Variants in LHPP observed in about 807,000 individuals in gnomAD.
LHPP encodes phospholysine phosphohistidine inorganic pyrophosphate phosphatase, also known as hLHPP.
LHPP carries 24 observed loss-of-function variants against 30.3 expected under a neutral mutation model. The observed-to-expected ratio is 0.79, with a 90% CI of 0.57 to 1.11. The LOEUF (loss-of-function observed/expected upper bound fraction) is 1.11, where lower values mean the gene tolerates loss of function less well. Among genes scored for constraint, LHPP ranks in the 50% most tolerant of loss-of-function variants. The probability of loss-of-function intolerance (pLI) is 0.00; values close to 1 mark genes in which losing one functional copy is unlikely to be tolerated. For synonymous variants in LHPP, 150 were observed against 157.1 expected (o/e 0.95, Z 0.34); for missense variants, 356 against 367.2 (o/e 0.97, Z 0.25).
chr10:124,537,971 G>A lies in LHPP; in HGVS notation c.716+20700G>A, dbSNP rs542886415. 4.6e-5 allele frequency among the ~76,000 whole-genome samples: 7 copies of A among 152,344 alleles called. No individual in the cohort carries two copies. The South Asian group carries it at 8.3e-4, about 18-fold the overall frequency. On this transcript the variant is annotated intron_variant, in intron 6 of 6. Coordinates refer to ENST00000368842, the MANE Select transcript of LHPP (RefSeq NM_022126.4). Reference sequence around the variant, plus strand: ...GAGACCTTCTTGGGGGTTCGGTGGTGTCCTTGACCCCACTCTGACTGAGCA... The same window carrying A: ...GAGACCTTCTTGGGGGTTCGGTGGTATCCTTGACCCCACTCTGACTGAGCA...
intron 1 of LHPP, among the ~76,000 whole-genome samples, chr10:124,462,500 C>T (rs1589743478): frequency 6.6e-6 from 1 of 151,988 alleles, no homozygotes; most frequent in South Asian, 2.1e-4. Context: ...GAGGCTGAGG[C>T]AGGAGGATCG....
intron 6 of LHPP, among the ~76,000 whole-genome samples, chr10:124,604,154 G>A (rs746426940): frequency 6.6e-6 from 1 of 152,206 alleles, no homozygotes; most frequent in Admixed American, 6.5e-5. Context: ...AGGTACATGG[G>A]TCTGGGCATG....
intron 5 of LHPP, among the ~76,000 whole-genome samples, chr10:124,514,074 A>G (rs1564803045): frequency 2.0e-5 from 3 of 152,274 alleles, no homozygotes; most frequent in East Asian, 3.9e-4. Flanking sequence ...AGGAGCTCCT[A>G]CTTCTGGAAG....
At chr10:124,575,463 G>A (rs10901768) in intron 6 of LHPP, among the ~76,000 whole-genome samples, 42,718 of 152,056 alleles carry the variant, frequency 0.28, 6,966 homozygotes, top group African/African-American at 0.44. Context: ...AGAAGCACCC[G>A]GTTCTCTCTC....
chr10:124,477,815 G>A (rs1238779519), intron 1 of LHPP, among the ~76,000 whole-genome samples: 1 of 152,186 alleles, frequency 6.6e-6, no homozygotes, highest in African/African-American at 2.4e-5. Flanking sequence ...TCTGACCTAT[G>A]AGCTGCCAAA....
intron 6 of LHPP, among the ~76,000 whole-genome samples, chr10:124,594,329 C>CAA (rs71026102): frequency 0.36 from 27,069 of 74,760 alleles, 5,743 homozygotes; most frequent in East Asian, 0.45. Context: ...GACTCCATCT[C>CAA]AAAAAAAAAA....
At chr10:124,519,803 G>T (rs772204423) in intron 6 of LHPP, among the ~76,000 whole-genome samples, 10 of 151,374 alleles carry the variant, frequency 6.6e-5, no homozygotes, top group Non-Finnish European at 1.3e-4. Context: ...ATTCCATGGT[G>T]TATATGTACC....
rs758589254 is a variant in LHPP, at chr10:124,593,359, C to T, written c.717-19905C>T. The stretch of plus-strand genomic sequence containing the variant: ...TCCTCTTAGGTACAGCCTCCCTGGC[C>T]GCCTCGGATGAGCATCTGCCCCTCC... On this transcript the variant is annotated intron_variant, in intron 6 of 6. Coordinates refer to ENST00000368842, the MANE Select transcript of LHPP (RefSeq NM_022126.4). This position sits in a 1 kb window ranked among gnomAD's most constrained non-coding sequence, Gnocchi z 4.9. Among the ~76,000 whole-genome samples the T allele has an allele frequency of 3.5e-4, 53 of 152,186 alleles. No homozygotes were observed. Among genetic ancestry groups the T allele is most frequent in the African/African-American group, 1.2e-3 (48 of 41,440 alleles).
intron 6 of LHPP, among the ~76,000 whole-genome samples, chr10:124,556,643 G>A (rs917809904): frequency 1.3e-5 from 2 of 152,196 alleles, no homozygotes; most frequent in African/African-American, 2.4e-5. Flanking sequence ...CATCTGCACT[G>A]TGGATAATTC....
intron 6 of LHPP, among the ~76,000 whole-genome samples, chr10:124,544,497 G>T (rs1225330663): frequency 9.2e-5 from 14 of 152,228 alleles, no homozygotes; most frequent in Admixed American, 9.2e-4. Flanking sequence ...ATCCTGGGTG[G>T]ATCACAGGGG....
intron 6 of LHPP, among the ~76,000 whole-genome samples, chr10:124,547,776 C>T (rs1006695012): frequency 5.3e-5 from 8 of 152,250 alleles, no homozygotes; most frequent in Admixed American, 1.3e-4. Flanking sequence ...GGCAGGATGT[C>T]GTTCCAGTGA....
chr10:124,535,992 TC>T (rs1302984631), intron 6 of LHPP, among the ~76,000 whole-genome samples: 1 of 152,232 alleles, frequency 6.6e-6, no homozygotes, highest in Non-Finnish European at 1.5e-5. Flanking sequence ...CAGGCAGGAT[TC>T]CCCTGGGCTG....
At chr10:124,544,019 C>T (rs891477926) in intron 6 of LHPP, among the ~76,000 whole-genome samples, 6 of 152,374 alleles carry the variant, frequency 3.9e-5, no homozygotes, top group Admixed American at 3.3e-4. Context: ...TCTCCTGGGA[C>T]AGTGATTGTG....
chr10:124,535,398 G>A (rs1954999332), intron 6 of LHPP, among the ~76,000 whole-genome samples: 1 of 152,076 alleles, frequency 6.6e-6, no homozygotes, highest in Non-Finnish European at 1.5e-5. Flanking sequence ...TTAGTCCTGT[G>A]GTTTGCTTTT....
intron 6 of LHPP, among the ~76,000 whole-genome samples, chr10:124,566,884 G>A (rs749057489): frequency 1.4e-4 from 21 of 152,188 alleles, no homozygotes; most frequent in Admixed American, 8.5e-4. Context: ...ATTTCTAGCC[G>A]TGCTGGTCGC....
At chr10:124,535,043 G>A (rs1360157977) in intron 6 of LHPP, among the ~76,000 whole-genome samples, 1 of 152,200 alleles carries the variant, frequency 6.6e-6, no homozygotes, top group Non-Finnish European at 1.5e-5. Flanking sequence ...TCTCTCGATT[G>A]TGTGGCCATA....
intron 2 of LHPP, among the ~76,000 whole-genome samples, chr10:124,486,197 C>T (rs545387899): frequency 6.5e-4 from 99 of 152,274 alleles, no homozygotes; most frequent in Admixed American, 3.0e-3. Flanking sequence ...GAACCCAACC[C>T]CGTGAAGAGC....
At chr10:124,508,075 A>G (rs529050319) in intron 5 of LHPP, among the ~76,000 whole-genome samples, 17 of 152,122 alleles carry the variant, frequency 1.1e-4, no homozygotes, top group Admixed American at 9.8e-4. Context: ...TCAGGGCATC[A>G]GTCCTGACTA....
chr10:124,466,061 G>C (rs1273714696), intron 1 of LHPP, among the ~76,000 whole-genome samples: 1 of 152,150 alleles, frequency 6.6e-6, no homozygotes, highest in African/African-American at 2.4e-5. Flanking sequence ...TCTCGTGTGA[G>C]AAAGGACACA....
Sources: gnomAD v4.1 joint callset for allele counts (sites outside exome capture counted in the v4.1 genomes callset) on GRCh38, gnomAD v4.1.1 for gene constraint, Gnocchi (gnomAD v3.1) non-coding constraint, MANE v1.5 for transcripts, NCBI Gene and HGNC (gene_info 2026-07-23, HGNC 2026-07-21) for gene names.